CACNA2D1: variants seen among roughly 807,000 people sequenced by gnomAD.
CACNA2D1 encodes the protein calcium voltage-gated channel auxiliary subunit alpha2delta 1, also known as voltage-dependent calcium channel subunit alpha-2/delta-1.
A neutral mutation model predicts 171.5 loss-of-function variants in CACNA2D1; 53 were observed. That is an observed-to-expected ratio of 0.31 (90% CI 0.25 to 0.39). The LOEUF is 0.39. CACNA2D1 is among the 10% of genes least tolerant of loss of function. The probability of loss-of-function intolerance (pLI) is 1.00; values close to 1 mark genes in which losing one functional copy is unlikely to be tolerated. For synonymous variants in CACNA2D1, 442 were observed against 443.1 expected, an observed-to-expected ratio of 1.00 and a Z score of 0.03; for missense variants, 903 against 1,299.8, an observed-to-expected ratio of 0.69 and a Z score of 4.69.
intron 38 of CACNA2D1, among the ~76,000 whole-genome samples, chr7:81,957,806 C>T (rs1391416368): frequency 1.3e-5 from 2 of 152,230 alleles, no homozygotes; most frequent in East Asian, 3.9e-4. Flanking sequence ...AATTGCTGAA[C>T]ATTTTTGTCT....
chr7:82,014,475 C>A lies in CACNA2D1; in HGVS notation c.1148G>T (p.Arg383Leu). Reference sequence around the variant, plus strand: ...TTGACCAACTGAAAACGTGAATACACGTACCTGGATGAATTGAAAAATAGG... The same window carrying A: ...TTGACCAACTGAAAACGTGAATACAAGTACCTGGATGAATTGAAAAATAGG... The part of the protein sequence containing the change: ...FNKYNKDKKV[R>L]VFTFSVGQHN... Residue 383 changes from arginine (R) to leucine (L), a missense_variant, in exon 13 of 39, where the codon CGT (arginine) becomes CTT (leucine). Physicochemically the swap from Arg to Leu is moderately radical, Grantham distance 102 (BLOSUM62 -2). This residue lies in a region of CACNA2D1 where 623 missense variants were observed against 925.5 expected (regional missense o/e 0.67). Transcript: ENST00000356860. 1 of 1,557,032 alleles carries A rather than the reference C, an allele frequency of 6.4e-7. No homozygotes were observed. Among genetic ancestry groups the A allele is most frequent in the Non-Finnish European group, 8.9e-7 (1 of 1,128,026 alleles).
At chr7:82,094,035 G>C (rs745730753) in intron 6 of CACNA2D1, among the ~76,000 whole-genome samples, 1 of 152,102 alleles carries the variant, frequency 6.6e-6, no homozygotes, top group South Asian at 2.1e-4. Context: ...AGGATAACAA[G>C]GCTCCTGGGG....
intron 1 of CACNA2D1, among the ~76,000 whole-genome samples, 161 bp from the exon 2 acceptor site, chr7:82,349,810 A>C (rs529641750): frequency 1.5e-4 from 23 of 152,340 alleles, no homozygotes; most frequent in Admixed American, 1.1e-3. Flanking sequence ...TCCAGCTTTA[A>C]ATTGCAAAAG....
intron 3 of CACNA2D1, among the ~76,000 whole-genome samples, chr7:82,247,861 T>G (rs759437958): frequency 6.6e-6 from 1 of 152,216 alleles, no homozygotes; most frequent in Non-Finnish European, 1.5e-5. Flanking sequence ...TACTGAAATC[T>G]GGGCAGGGGA....
At chr7:82,288,038 CA>C (rs1811048932) in intron 3 of CACNA2D1, among the ~76,000 whole-genome samples, 1 of 145,406 alleles carries the variant, frequency 6.9e-6, no homozygotes. Flanking sequence ...GATGGGGTTT[CA>C]CTGTGTTAGC....
chr7:82,283,697 A>G (rs1172265547), intron 3 of CACNA2D1, among the ~76,000 whole-genome samples: 2 of 152,174 alleles, frequency 1.3e-5, no homozygotes, highest in African/African-American at 4.8e-5. Flanking sequence ...AAGGTCACAC[A>G]TGGACTTTGG....
intron 10 of CACNA2D1, chr7:82,050,960 T>C: frequency 3.5e-6 from 1 of 282,098 alleles, no homozygotes; most frequent in Non-Finnish European, 6.9e-6. Context: ...TACCAGTCCA[T>C]CTAAGAGACA....
intron 5 of CACNA2D1, among the ~76,000 whole-genome samples, chr7:82,135,368 T>G (rs1018566116): frequency 6.6e-6 from 1 of 152,122 alleles, no homozygotes; most frequent in Non-Finnish European, 1.5e-5. Context: ...TAAAACATTT[T>G]GTTTTAGTTG....
intron 1 of CACNA2D1, among the ~76,000 whole-genome samples, chr7:82,374,318 T>C (rs1225623807): frequency 2.0e-5 from 3 of 152,156 alleles, no homozygotes; most frequent in African/African-American, 7.2e-5. Flanking sequence ...AACAATATAA[T>C]TGACCAGATG....
At chr7:81,964,396 A>G in intron 32 of CACNA2D1, 37 bp from the exon 33 acceptor site, 1 of 1,576,490 alleles carries the variant, frequency 6.3e-7, no homozygotes, top group Non-Finnish European at 8.7e-7. Flanking sequence ...ACGTGCACTT[A>G]AAATGTAAGC....
At chr7:82,376,976 A>G (rs776457997) in intron 1 of CACNA2D1, among the ~76,000 whole-genome samples, 3 of 152,240 alleles carry the variant, frequency 2.0e-5, no homozygotes, top group Non-Finnish European at 2.9e-5. Context: ...ATGACACTGT[A>G]TAATACATGC....
intron 1 of CACNA2D1, among the ~76,000 whole-genome samples, chr7:82,365,344 G>A (rs979399621): frequency 1.3e-5 from 2 of 152,174 alleles, no homozygotes; most frequent in African/African-American, 4.8e-5. Context: ...AGACTAAAAT[G>A]ACATAACCTT....
At chr7:82,050,437 G>T in intron 10 of CACNA2D1, 1 of 602,714 alleles carries the variant, frequency 1.7e-6, no homozygotes, top group African/African-American at 1.9e-5. Flanking sequence ...AGGATGACAG[G>T]AGGACAGCCA....
At chr7:82,249,842 T>G (rs2129312867) in intron 3 of CACNA2D1, among the ~76,000 whole-genome samples, 1 of 152,358 alleles carries the variant, frequency 6.6e-6, no homozygotes, top group Non-Finnish European at 1.5e-5. Context: ...ATCTACATTT[T>G]ATGACAGTTA....
intron 6 of CACNA2D1, among the ~76,000 whole-genome samples, chr7:82,088,564 G>T (rs2129015782): frequency 1.3e-5 from 2 of 152,112 alleles, no homozygotes; most frequent in South Asian, 4.1e-4. Flanking sequence ...GAATGTCAAA[G>T]ATTTTATTTA....
chr7:82,031,992 A>G (rs1802757005), intron 12 of CACNA2D1, among the ~76,000 whole-genome samples: 1 of 152,016 alleles, frequency 6.6e-6, no homozygotes, highest in Admixed American at 6.6e-5. Flanking sequence ...TAAATGAATC[A>G]TTAGCATTTT....
intron 3 of CACNA2D1, among the ~76,000 whole-genome samples, chr7:82,182,031 AT>A (rs931811349): frequency 6.6e-6 from 1 of 152,008 alleles, no homozygotes; most frequent in Non-Finnish European, 1.5e-5. Flanking sequence ...ATCTTTTCTA[AT>A]TTTTTTCTTT....
rs115841033 is a variant in CACNA2D1, at chr7:82,414,374, C to T, written c.95+28991G>A. Reference sequence around the variant, plus strand: ...AGACTCAGAGATGTTTATTGCTGTACCCAAGGACCCCTGGCTAGTATGAAA... The same window carrying T: ...AGACTCAGAGATGTTTATTGCTGTATCCAAGGACCCCTGGCTAGTATGAAA... On this transcript the variant is annotated intron_variant, in intron 1 of 38. Coordinates refer to ENST00000356860, the MANE Select transcript of CACNA2D1 (RefSeq NM_000722.4). Among the ~76,000 whole-genome samples the T allele has an allele frequency of 9.2e-3, 1,405 of 152,200 alleles. 20 individuals are homozygous for T. The highest frequency in any genetic ancestry group is 0.032 in the African/African-American group (1,338 of 41,518).
intron 1 of CACNA2D1, among the ~76,000 whole-genome samples, chr7:82,377,541 C>T (rs146510806): frequency 6.6e-6 from 1 of 152,256 alleles, no homozygotes; most frequent in Non-Finnish European, 1.5e-5. Context: ...AAGGTATACT[C>T]CCTCACCTTC....
Sources: allele counts gnomAD v4.1 joint callset (sites outside exome capture counted in the v4.1 genomes callset), GRCh38; gene constraint gnomAD v4.1.1; regional missense constraint gnomAD v4.1.1; transcripts MANE v1.5; gene names NCBI Gene and HGNC (gene_info 2026-07-23, HGNC 2026-07-21).